Variants in ESYT2 observed in about 807,000 individuals in gnomAD.
ESYT2 encodes extended synaptotagmin 2, also known as extended synaptotagmin-2.
A neutral mutation model predicts 107.2 loss-of-function variants in ESYT2; 54 were observed. The ratio of observed to expected loss-of-function variants is 0.50; its 90% CI spans 0.40 to 0.63. The LOEUF is 0.63. Among genes scored for constraint, ESYT2 ranks in the 30% least tolerant of loss-of-function variants. ESYT2 has a pLI of 0.00. For missense variants in ESYT2, 1,020 were observed against 1,094.5 expected (o/e 0.93, Z 0.96); for synonymous variants, 491 against 434.1 (o/e 1.13, Z -1.63).
intron 1 of ESYT2, 129 bp downstream of exon 1, chr7:158,828,960 G>A (rs1840545180): frequency 7.1e-7 from 1 of 1,402,528 alleles, no homozygotes; most frequent in Non-Finnish European, 9.2e-7. Flanking sequence ...CTACGAAGGC[G>A]GGAGCCGGGG....
intron 1 of ESYT2, among the ~76,000 whole-genome samples, chr7:158,814,286 A>AATT (rs1563038394): frequency 9.0e-6 from 1 of 110,904 alleles, no homozygotes; most frequent in Non-Finnish European, 1.7e-5. Context: ...AAAAAAAAAA[A>AATT]TTATATATAT....
chr7:158,751,773 T>C (rs559356880), intron 14 of ESYT2, among the ~76,000 whole-genome samples: 75 of 152,296 alleles, frequency 4.9e-4, no homozygotes, highest in African/African-American at 1.7e-3. Context: ...TGCTGAGCAG[T>C]TGGGTTGCAA....
chr7:158,762,577 AACC>A (rs1258882441), intron 10 of ESYT2, among the ~76,000 whole-genome samples: 2 of 152,252 alleles, frequency 1.3e-5, no homozygotes, highest in African/African-American at 4.8e-5. Context: ...GTCAAACAAT[AACC>A]ATTTTAAAAG....
intron 6 of ESYT2, among the ~76,000 whole-genome samples, chr7:158,774,350 A>G (rs1422148755): frequency 1.3e-5 from 2 of 152,224 alleles, no homozygotes; most frequent in Non-Finnish European, 2.9e-5. Flanking sequence ...TCTCAATGTA[A>G]CAGAAATGAG....
At chr7:158,806,628 T>G (rs1308289464) in intron 1 of ESYT2, among the ~76,000 whole-genome samples, 1 of 152,214 alleles carries the variant, frequency 6.6e-6, no homozygotes, top group Non-Finnish European at 1.5e-5. Context: ...AGAATATTTT[T>G]CAAAGATTTG....
intron 1 of ESYT2, among the ~76,000 whole-genome samples, chr7:158,827,966 T>C (rs1395922063): frequency 3.9e-5 from 6 of 152,170 alleles, no homozygotes; most frequent in African/African-American, 1.2e-4. Flanking sequence ...TCCATAAATA[T>C]ACGAGGTAGA....
chr7:158,825,021 G>T (rs185350742), intron 1 of ESYT2, among the ~76,000 whole-genome samples: 1 of 152,190 alleles, frequency 6.6e-6, no homozygotes, highest in Non-Finnish European at 1.5e-5. Flanking sequence ...GGCTGGGCGC[G>T]GTGGTTCATG....
In ESYT2 at chr7:158,735,609, C is replaced by G; in HGVS notation, c.2400-1G>C. ...TGGTAACGAAACACTGAAATCAAAGCTGAAATAGGAAACGAGAGCCTTACT... is the reference window on the plus strand; with the variant it reads ...TGGTAACGAAACACTGAAATCAAAGGTGAAATAGGAAACGAGAGCCTTACT... On this transcript the variant is annotated splice_acceptor_variant, in intron 20 of 22. Transcript: ENST00000275418. LOFTEE classifies it high-confidence loss of function. 6.2e-7 allele frequency: 1 copy of G among 1,612,266 alleles called. No individual in the cohort carries two copies.
Position 158,773,371 on chromosome 7 carries a change from A to G in ESYT2, c.773T>C (p.Leu258Pro). 6.2e-7 allele frequency: 1 copy of G among 1,614,216 alleles called. No homozygotes were observed. Residue 258 changes from leucine (L) to proline (P), a missense_variant, in exon 7 of 23, where the codon CTG (leucine) becomes CCG (proline). Physicochemically the swap from Leu to Pro is moderately conservative, Grantham distance 98 (BLOSUM62 -3). Coordinates refer to ENST00000275418, the MANE Select transcript of ESYT2 (RefSeq NM_001367773.1). The stretch of plus-strand genomic sequence containing the variant: ...TCCAGGGACATCCAGAAGATTCGTC[A>G]GTCCTGTCCAGTTAATTTCTAAAAG... ...KPLLEINWTGLTNLLDVPGLN... is the reference protein window; with the variant it reads ...KPLLEINWTGPTNLLDVPGLN...
rs1409887708 is a variant in ESYT2, at chr7:158,734,242, T to C, written c.2566A>G (p.Thr856Ala). The change falls in exon 23 of 23, where the codon ACG becomes GCG. Residue 856 changes from threonine to alanine, a missense_variant. Thr to Ala is a moderately conservative substitution (Grantham distance 58). Coordinates refer to ENST00000275418, the MANE Select transcript of ESYT2 (RefSeq NM_001367773.1). ...AKGWTQWYDL[T>A]EDGTRPQAMT ...GCCTGAGGCCTCGTCCCATCTTCCGTGAGGTCATACCTGAGAAAGACAGTG... is the reference window on the plus strand; with the variant it reads ...GCCTGAGGCCTCGTCCCATCTTCCGCGAGGTCATACCTGAGAAAGACAGTG... The C allele has an allele frequency of 6.2e-7, 1 of 1,614,088 alleles. No individual in the cohort carries two copies. The highest frequency in any genetic ancestry group is 8.5e-7 in the Non-Finnish European group (1 of 1,180,030).
At chr7:158,734,288 A>G in intron 22 of ESYT2, 36 bp from the exon 23 acceptor site, 5 of 1,614,032 alleles carry the variant, frequency 3.1e-6, no homozygotes, top group Non-Finnish European at 4.2e-6. Flanking sequence ...GGTGACGGAT[A>G]CAGGACCAAG....
At chr7:158,764,039 G>A (rs73519547) in intron 9 of ESYT2, among the ~76,000 whole-genome samples, 3,194 of 152,198 alleles carry the variant, frequency 0.021, 111 homozygotes, top group African/African-American at 0.071. Context: ...TAAATCACAC[G>A]ACTGTCCTGA....
intron 4 of ESYT2, among the ~76,000 whole-genome samples, chr7:158,792,425 G>A (rs1839326710): frequency 6.6e-6 from 1 of 151,472 alleles, no homozygotes; most frequent in Non-Finnish European, 1.5e-5. Flanking sequence ...CTACTCGGCA[G>A]GCTGAGGTGA....
chr7:158,735,459 T>G, intron 21 of ESYT2, 44 bp downstream of exon 21: 1 of 1,554,784 alleles, frequency 6.4e-7, no homozygotes. Context: ...AATGTTCAAT[T>G]TTACAAACTG....
chr7:158,792,366 A>T (rs982610782), intron 4 of ESYT2, among the ~76,000 whole-genome samples: 5 of 151,422 alleles, frequency 3.3e-5, no homozygotes, highest in South Asian at 2.1e-4. Flanking sequence ...TCTACAAAAA[A>T]AAAATAAAAA....
At position 158,767,897 on chromosome 7, in the gene ESYT2, T is replaced by C. The variant is rs185993166; in HGVS notation, c.804-123A>G. 63 of 1,151,110 alleles carry C rather than the reference T, an allele frequency of 5.5e-5. 1 individual carries two copies. In the Admixed American group the frequency reaches 1.3e-3, roughly 24 times the overall value. 71.3% of individuals were successfully genotyped at this position (1,151,110 alleles called of 1,614,324 possible). Reference sequence around the variant, plus strand: ...CCATTTATTTACAGAGTAGGAGTTATCTCATTCCTCCAGTGCAATATTTAC... The same window carrying C: ...CCATTTATTTACAGAGTAGGAGTTACCTCATTCCTCCAGTGCAATATTTAC... On this transcript the variant is annotated intron_variant, in intron 7 of 22. Transcript: ENST00000275418.
chr7:158,736,297 T>C (rs1336763593), intron 20 of ESYT2, among the ~76,000 whole-genome samples: 1 of 152,284 alleles, frequency 6.6e-6, no homozygotes, highest in South Asian at 2.1e-4. Flanking sequence ...GAAAGTACAA[T>C]GAATGAGGAG....
At chr7:158,789,096 G>A (rs1839198457) in intron 4 of ESYT2, among the ~76,000 whole-genome samples, 1 of 152,194 alleles carries the variant, frequency 6.6e-6, no homozygotes, top group Non-Finnish European at 1.5e-5. Context: ...CTTGGAGGTA[G>A]GATGTCACAC....
rs1839612973 is a variant in ESYT2, at chr7:158,800,716, T to C, written c.331-1644A>G. 4.0e-5 allele frequency among the ~76,000 whole-genome samples: 6 copies of C among 150,078 alleles called. No homozygotes were observed. The South Asian group carries it at 1.0e-3, about 26-fold the overall frequency. ...ACTTTTTTTTAAATAGGTTTCTTTT[T>C]CTTTTTTCTTTTCTTTTCTTTTTTT... On this transcript the variant is annotated intron_variant, in intron 1 of 22. Coordinates refer to ENST00000275418, the MANE Select transcript of ESYT2 (RefSeq NM_001367773.1).
Sources: gnomAD v4.1 joint callset for allele counts (sites outside exome capture counted in the v4.1 genomes callset) on GRCh38, gnomAD v4.1.1 for gene constraint, MANE v1.5 for transcripts, NCBI Gene and HGNC (gene_info 2026-07-23, HGNC 2026-07-21) for gene names.